PLAGL1: variants seen among roughly 807,000 people sequenced by gnomAD.
PLAGL1 encodes the protein zinc finger protein PLAGL1.
Under a neutral mutation model 4.6 loss-of-function variants are expected in PLAGL1, and 1 was observed. The observed-to-expected ratio is 0.22, with a 90% CI of 0.08 to 1.03. The LOEUF is 1.03. PLAGL1 is among the 50% of genes least tolerant of loss of function. The pLI, the probability that PLAGL1 is intolerant of heterozygous loss-of-function variation, is 0.58. For synonymous variants in PLAGL1, 240 were observed against 237.8 expected, an observed-to-expected ratio of 1.01 and a Z score of -0.08; for missense variants, 464 against 570.4, an observed-to-expected ratio of 0.81 and a Z score of 1.90.
At position 144,055,721 on chromosome 6, in the gene PLAGL1, A is replaced by G. The variant is rs1798915089; in HGVS notation, c.-151+8747T>C. On this transcript the variant is annotated intron_variant, in intron 1 of 3. Transcript: ENST00000437412. This position sits in a 1 kb window ranked among gnomAD's most constrained non-coding sequence, Gnocchi z 5.0. ...AGATCTGGAGCCACAGTTGTCAGAG[A>G]TATAAATCATAACTACAGGTGCCTT... Among the ~76,000 whole-genome samples the G allele has an allele frequency of 6.6e-6, 1 of 152,218 alleles. No individual in the cohort carries two copies. The highest frequency in any genetic ancestry group is 2.4e-5 in the African/African-American group (1 of 41,458).
intron 1 of PLAGL1, among the ~76,000 whole-genome samples, chr6:144,019,419 C>T (rs1795811385): frequency 6.6e-6 from 1 of 151,728 alleles, no homozygotes; most frequent in Non-Finnish European, 1.5e-5. Flanking sequence ...TTGCAATGAG[C>T]CGATATGGCG....
intron 1 of PLAGL1, among the ~76,000 whole-genome samples, chr6:143,996,502 A>G (rs2128644028): frequency 6.6e-6 from 1 of 152,310 alleles, no homozygotes; most frequent in African/African-American, 2.4e-5. Context: ...AACATTTTCC[A>G]ATGTCCCTTG....
intron 1 of PLAGL1, chr6:144,037,754 AAT>A (rs1797360957): frequency 6.6e-6 from 1 of 152,162 alleles, no homozygotes; most frequent in Non-Finnish European, 1.5e-5. Context: ...TTGTTTACAA[AAT>A]AGTCACTTTC....
chr6:144,013,315 T>C (rs541581755), upstream of PLAGL1, among the ~76,000 whole-genome samples: 39 of 152,242 alleles, frequency 2.6e-4, no homozygotes, highest in African/African-American at 8.4e-4. The surrounding 1 kb of genome is among the most constrained non-coding windows in gnomAD (Gnocchi z 4.4). Flanking sequence ...TAATACCACA[T>C]GGGCAGACAA....
chr6:143,957,193 T>C lies in PLAGL1; in HGVS notation c.-325+3276A>G, dbSNP rs1782339286. On this transcript the variant is annotated intron_variant, in intron 6 of 7. Coordinates refer to ENST00000674357, the MANE Select transcript of PLAGL1 (RefSeq NM_001317162.2). This position sits in a 1 kb window ranked among gnomAD's most constrained non-coding sequence, Gnocchi z 4.2. ...AATGTCTACAAGTAAAATAGATGTGTGCATTGAGAAAGGCAAGGGTTAAGT... is the reference window on the plus strand; with the variant it reads ...AATGTCTACAAGTAAAATAGATGTGCGCATTGAGAAAGGCAAGGGTTAAGT... Among the ~76,000 whole-genome samples, 1 of 152,226 alleles carries C rather than the reference T, an allele frequency of 6.6e-6. No individual in the cohort carries two copies. Among genetic ancestry groups the C allele is most frequent in the African/African-American group, 2.4e-5 (1 of 41,472 alleles).
chr6:144,017,460 T>C (rs1280719024), intron 1 of PLAGL1, among the ~76,000 whole-genome samples: 1 of 152,222 alleles, frequency 6.6e-6, no homozygotes, highest in Non-Finnish European at 1.5e-5. Flanking sequence ...TATCTTCAAC[T>C]GACTGACATT....
chr6:144,057,549 G>A (rs1032859595), intron 1 of PLAGL1, among the ~76,000 whole-genome samples: 9 of 152,136 alleles, frequency 5.9e-5, no homozygotes, highest in African/African-American at 1.9e-4. Flanking sequence ...CCCTGCACTG[G>A]TGCCATTTCC....
In PLAGL1 at chr6:143,971,268, C is replaced by T. The variant is rs939834338; in HGVS notation, c.-543-2290G>A. The stretch of plus-strand genomic sequence containing the variant: ...GCCCCTTCCTCTACGAGATTCCTCC[C>T]GCAATTCACAAATGTGTAAACCTCT... On this transcript the variant is annotated intron_variant, in intron 2 of 7. Transcript: ENST00000674357. The surrounding 1 kb of genome is among the most constrained non-coding windows in gnomAD (Gnocchi z 4.7). 5.9e-5 allele frequency among the ~76,000 whole-genome samples: 9 copies of T among 152,128 alleles called. No homozygotes were observed. Among genetic ancestry groups the T allele is most frequent in the East Asian group, 1.9e-4 (1 of 5,202 alleles).
At position 144,005,654 on chromosome 6, in the gene PLAGL1, G is replaced by A. The variant is rs943173695; in HGVS notation, c.-584+2436C>T. The A allele has an allele frequency of 1.3e-5, 2 of 151,784 alleles. No homozygotes were observed. The highest frequency in any genetic ancestry group is 2.1e-4 in the South Asian group (1 of 4,802). The allele number at this position is 151,784 out of a possible 1,614,324, so 9.4% of individuals were successfully genotyped here. On this transcript the variant is annotated intron_variant, in intron 1 of 7. Coordinates refer to ENST00000674357, the MANE Select transcript of PLAGL1 (RefSeq NM_001317162.2). This position sits in a 1 kb window ranked among gnomAD's most constrained non-coding sequence, Gnocchi z 4.6. ...GAGTATCTTAAGACAAAAAGCATAA[G>A]GATTAATGTCTACAGTTTAATATCT... is the stretch of plus-strand genomic sequence containing the variant.
In PLAGL1 at chr6:144,034,374, G is replaced by A. The variant is rs1797062176; in HGVS notation, c.-151+30094C>T. ...CAGCCCCCAGGCTGACTGGAAGACGGGGCTCACTGCACACTCATCCCAAGG... is the reference window on the plus strand; with the variant it reads ...CAGCCCCCAGGCTGACTGGAAGACGAGGCTCACTGCACACTCATCCCAAGG... On this transcript the variant is annotated intron_variant, in intron 1 of 3. Transcript: ENST00000437412. The surrounding 1 kb of genome is among the most constrained non-coding windows in gnomAD (Gnocchi z 4.7). 6.6e-6 allele frequency among the ~76,000 whole-genome samples: 1 copy of A among 152,148 alleles called. No individual in the cohort carries two copies. The highest frequency in any genetic ancestry group is 2.1e-4 in the South Asian group (1 of 4,820).
rs557933744 is a variant in PLAGL1, at chr6:143,978,705, T to C, written c.-544+6430A>G. On this transcript the variant is annotated intron_variant, in intron 2 of 7. Coordinates refer to ENST00000674357, the MANE Select transcript of PLAGL1 (RefSeq NM_001317162.2). This position sits in a 1 kb window ranked among gnomAD's most constrained non-coding sequence, Gnocchi z 4.6. The stretch of plus-strand genomic sequence containing the variant: ...TTGTATGATTTAAATCCTTCAGAAT[T>C]AATTGACTTATTTTCCCACCCAGAA... Among the ~76,000 whole-genome samples, 4 of 152,336 alleles carry C rather than the reference T, an allele frequency of 2.6e-5. No homozygotes were observed. The highest frequency in any genetic ancestry group is 9.6e-5 in the African/African-American group (4 of 41,580).
At chr6:143,944,531 A>AAAT (rs763395162) in intron 7 of PLAGL1, among the ~76,000 whole-genome samples, 3 of 152,188 alleles carry the variant, frequency 2.0e-5, no homozygotes, top group Non-Finnish European at 4.4e-5. Context: ...GTTTGCACAT[A>AAAT]AATGATAACA....
chr6:144,024,111 T>C (rs1796168752), intron 1 of PLAGL1, among the ~76,000 whole-genome samples: 1 of 152,144 alleles, frequency 6.6e-6, no homozygotes, highest in Admixed American at 6.6e-5. Flanking sequence ...ATATAAATAA[T>C]TGTAGCTATG....
intron 1 of PLAGL1, among the ~76,000 whole-genome samples, chr6:144,054,725 C>G (rs948942715): frequency 1.3e-5 from 2 of 151,090 alleles, no homozygotes; most frequent in African/African-American, 4.9e-5. Context: ...CAAACCTGCA[C>G]GTTGTACCCA....
At chr6:144,047,700 G>C (rs778401733) in intron 1 of PLAGL1, among the ~76,000 whole-genome samples, 1 of 152,116 alleles carries the variant, frequency 6.6e-6, no homozygotes, top group Non-Finnish European at 1.5e-5. Context: ...CCCTCAACAC[G>C]TGGGGATTGT....
chr6:144,014,752 G>T (rs566616945), intron 1 of PLAGL1, among the ~76,000 whole-genome samples: 8 of 152,100 alleles, frequency 5.3e-5, no homozygotes, highest in African/African-American at 1.9e-4. Context: ...GCTAATTTTT[G>T]TATTTTTAGT....
chr6:143,942,700 GT>G lies in PLAGL1; in HGVS notation c.153-38del. On this transcript the variant is annotated intron_variant, in intron 7 of 7. Coordinates refer to ENST00000674357, the MANE Select transcript of PLAGL1 (RefSeq NM_001317162.2). This position sits in a 1 kb window ranked among gnomAD's most constrained non-coding sequence, Gnocchi z 7.6. ...AGGAGAAATTTCACAATAGAGAGTT[GT>G]TTTAAGAGCTGAAGAAAGGTGTAGC... 6.6e-7 allele frequency: 1 copy of G among 1,515,798 alleles called. No homozygotes were observed. The highest frequency in any genetic ancestry group is 1.2e-5 in the South Asian group (1 of 82,736). 93.9% of individuals were successfully genotyped at this position (1,515,798 alleles called of 1,614,324 possible).
chr6:144,029,245 G>C (rs957205376), intron 1 of PLAGL1, among the ~76,000 whole-genome samples: 1 of 152,108 alleles, frequency 6.6e-6, no homozygotes, highest in Admixed American at 6.5e-5. Context: ...GGTAAGGAAG[G>C]CATTTCCAAG....
intron 1 of PLAGL1, among the ~76,000 whole-genome samples, chr6:144,026,161 T>C (rs78083743): frequency 0.025 from 3,806 of 152,208 alleles, 175 homozygotes; most frequent in African/African-American, 0.088. Context: ...TAATAAAAGA[T>C]TAGGTTGTTT....
Sources: gnomAD v4.1 joint callset for allele counts (sites outside exome capture counted in the v4.1 genomes callset) on GRCh38, gnomAD v4.1.1 for gene constraint, Gnocchi (gnomAD v3.1) non-coding constraint, MANE v1.5 for transcripts, NCBI Gene and HGNC (gene_info 2026-07-23, HGNC 2026-07-21) for gene names.